Variants in AUTS2 observed in about 807,000 individuals in gnomAD.
AUTS2 encodes the protein activator of transcription and developmental regulator AUTS2.
A neutral mutation model predicts 112.4 loss-of-function variants in AUTS2; 17 were observed. The observed-to-expected ratio is 0.15, with a 90% CI of 0.10 to 0.23. The LOEUF is 0.23. AUTS2 is among the 10% of genes least tolerant of loss of function. The pLI is 1.00. For synonymous variants in AUTS2, 751 were observed against 702.7 expected (o/e 1.07, Z -1.09); for missense variants, 1,510 against 1,701.6 (o/e 0.89, Z 1.98).
At chr7:70,296,534 A>G (rs1233252361) in intron 4 of AUTS2, among the ~76,000 whole-genome samples, 1 of 152,184 alleles carries the variant, frequency 6.6e-6, no homozygotes, top group African/African-American at 2.4e-5. Context: ...CCCTTCAACT[A>G]TATAATCAGC....
chr7:69,692,103 A>G (rs1319590131), intron 1 of AUTS2, among the ~76,000 whole-genome samples: 3 of 152,142 alleles, frequency 2.0e-5, no homozygotes, highest in Non-Finnish European at 2.9e-5. Context: ...AGGTGGGAGA[A>G]TTGTGCTGCC....
intron 5 of AUTS2, among the ~76,000 whole-genome samples, chr7:70,528,905 T>G (rs1404501970): frequency 1.3e-5 from 2 of 151,612 alleles, no homozygotes; most frequent in Non-Finnish European, 2.9e-5. Flanking sequence ...GCAAAGCAAA[T>G]GAAGGAGGAT....
chr7:69,869,543 TAC>T (rs1023927433), intron 1 of AUTS2, among the ~76,000 whole-genome samples: 17 of 151,670 alleles, frequency 1.1e-4, no homozygotes, highest in East Asian at 1.9e-4. Context: ...TATATATATA[TAC>T]ACACACACAC....
At chr7:70,349,683 C>CT (rs1425138510) in intron 4 of AUTS2, among the ~76,000 whole-genome samples, 1 of 151,646 alleles carries the variant, frequency 6.6e-6, no homozygotes, top group East Asian at 1.9e-4. Flanking sequence ...CACATGGTGC[C>CT]TGGTATCTTC....
chr7:70,341,302 A>G (rs1791253754), intron 4 of AUTS2, among the ~76,000 whole-genome samples: 2 of 152,244 alleles, frequency 1.3e-5, no homozygotes, highest in African/African-American at 4.8e-5. Flanking sequence ...AAAGGCACAA[A>G]GGCACTGAGA....
At chr7:70,178,767 C>T (rs1015735297) in intron 4 of AUTS2, among the ~76,000 whole-genome samples, 1 of 151,916 alleles carries the variant, frequency 6.6e-6, no homozygotes, top group Non-Finnish European at 1.5e-5. Flanking sequence ...GCTGCTCACT[C>T]CAACCTGGGC....
chr7:69,890,198 C>G lies in AUTS2; in HGVS notation c.310-9088C>G, dbSNP rs541763928. Among the ~76,000 whole-genome samples, 12 of 152,248 alleles carry G rather than the reference C, an allele frequency of 7.9e-5. No individual in the cohort carries two copies. The South Asian group carries it at 2.5e-3, about 32-fold the overall frequency. ...TGTTAAGGTCTAACGGCAGCCAACT[C>G]TCAATTATCTGTGGGAATGGGAGAC... On this transcript the variant is annotated intron_variant, in intron 1 of 18. Coordinates refer to ENST00000342771, the MANE Select transcript of AUTS2 (RefSeq NM_015570.4).
chr7:70,122,865 CTTTT>C lies in AUTS2; in HGVS notation c.624+4652_624+4655del, dbSNP rs11297258. Among the ~76,000 whole-genome samples the C allele has an allele frequency of 2.3e-3, 215 of 93,052 alleles. 3 individuals are homozygous for C. The highest frequency in any genetic ancestry group is 3.3e-3 in the Non-Finnish European group (159 of 48,186). 61.0% of individuals were successfully genotyped at this position (93,052 alleles called of 152,430 possible). A position where few individuals can be genotyped will look rare whatever the true frequency, so the allele number is the denominator to read the frequency against. ...AATCTGAAATCTGCTGAGATGAAAG[CTTTT>C]TTTTTTTTTTTTTTTTTTTCCGTGA... is the stretch of plus-strand genomic sequence containing the variant. On this transcript the variant is annotated intron_variant, in intron 3 of 18. Transcript: ENST00000342771.
intron 4 of AUTS2, among the ~76,000 whole-genome samples, chr7:70,183,683 C>CAG (rs1181329439): frequency 6.6e-6 from 1 of 152,190 alleles, no homozygotes; most frequent in Non-Finnish European, 1.5e-5. Flanking sequence ...TGCTCAGAGC[C>CAG]AGAAGCTCCA....
chr7:70,498,198 G>A lies in AUTS2; in HGVS notation c.690+62417G>A, dbSNP rs564872302. Among the ~76,000 whole-genome samples, 5 of 152,314 alleles carry A rather than the reference G, an allele frequency of 3.3e-5. No individual in the cohort carries two copies. In the South Asian group the frequency reaches 1.0e-3, roughly 32 times the overall value. ...CAGGCCAACAGAAAGATCAAGGAGT[G>A]TGGAAACCGGCATGCGTTGCCTTCC... On this transcript the variant is annotated intron_variant, in intron 5 of 18. Coordinates refer to ENST00000342771, the MANE Select transcript of AUTS2 (RefSeq NM_015570.4).
At chr7:70,677,681 C>G (rs1001897504) in intron 5 of AUTS2, among the ~76,000 whole-genome samples, 5 of 152,086 alleles carry the variant, frequency 3.3e-5, no homozygotes, top group Non-Finnish European at 7.4e-5. Flanking sequence ...CCTCGGCCTC[C>G]CAAGGTTCTG....
At chr7:70,622,787 C>T (rs142073285) in intron 5 of AUTS2, among the ~76,000 whole-genome samples, 3 of 152,158 alleles carry the variant, frequency 2.0e-5, no homozygotes, top group African/African-American at 7.2e-5. Context: ...CTTTCATCGG[C>T]CTTTTTCTTT....
intron 4 of AUTS2, among the ~76,000 whole-genome samples, chr7:70,413,766 C>T (rs1389940226): frequency 6.6e-6 from 1 of 152,088 alleles, no homozygotes; most frequent in Non-Finnish European, 1.5e-5. Flanking sequence ...CAGCCTCTAC[C>T]TCCTGAGCTC....
rs115699901 is a variant in AUTS2, at chr7:70,253,715, A to G, written c.660+119144A>G. ...ATGTAAATTAAGGCTTTAAAACTCT[A>G]TGAGAGTCAGCTTGTCATTATGCAT... On this transcript the variant is annotated intron_variant, in intron 4 of 18. Coordinates refer to ENST00000342771, the MANE Select transcript of AUTS2 (RefSeq NM_015570.4). 7.2e-3 allele frequency among the ~76,000 whole-genome samples: 1,090 copies of G among 152,236 alleles called. 14 individuals carry two copies. Among genetic ancestry groups the G allele is most frequent in the African/African-American group, 0.025 (1,036 of 41,558 alleles).
At chr7:70,024,805 G>A (rs1800440523) in intron 2 of AUTS2, among the ~76,000 whole-genome samples, 1 of 152,072 alleles carries the variant, frequency 6.6e-6, no homozygotes, top group South Asian at 2.1e-4. Context: ...CCTTATTTTT[G>A]CTCTGAAGGC....
chr7:70,785,106 A>G, intron 16 of AUTS2, 87 bp downstream of exon 16: 2 of 1,374,458 alleles, frequency 1.5e-6, no homozygotes, highest in Non-Finnish European at 1.0e-6. Flanking sequence ...CCTCCGGGCA[A>G]GCTGGTGGGA....
chr7:70,525,923 G>A (rs767777555), intron 5 of AUTS2, among the ~76,000 whole-genome samples: 2 of 152,236 alleles, frequency 1.3e-5, no homozygotes, highest in Admixed American at 6.5e-5. Flanking sequence ...GCTGCTCACA[G>A]CAGCTCATCT....
chr7:70,675,446 A>G (rs780603372), intron 5 of AUTS2, among the ~76,000 whole-genome samples: 3 of 152,220 alleles, frequency 2.0e-5, no homozygotes, highest in Non-Finnish European at 2.9e-5. Flanking sequence ...CAGTGAGCCA[A>G]GATCGTGCCA....
intron 2 of AUTS2, among the ~76,000 whole-genome samples, chr7:69,952,632 A>G (rs1315317696): frequency 6.6e-6 from 1 of 152,128 alleles, no homozygotes; most frequent in Non-Finnish European, 1.5e-5. Flanking sequence ...GGACTAGATC[A>G]TGTTTCCTTG....
Sources: allele counts gnomAD v4.1 joint callset (sites outside exome capture counted in the v4.1 genomes callset), GRCh38; gene constraint gnomAD v4.1.1; transcripts MANE v1.5; gene names NCBI Gene and HGNC (gene_info 2026-07-23, HGNC 2026-07-21).